VPS13A: variants seen among roughly 807,000 people sequenced by gnomAD.
The protein encoded by VPS13A is intermembrane lipid transfer protein VPS13A.
Under a neutral mutation model 390.9 loss-of-function variants are expected in VPS13A, and 264 were observed. The observed-to-expected ratio is 0.68, with a 90% CI of 0.61 to 0.75. VPS13A has a LOEUF of 0.75. VPS13A is among the 30% of genes least tolerant of loss of function. VPS13A has a pLI of 0.00. For missense variants in VPS13A, 3,409 were observed against 3,733.9 expected (o/e 0.91, Z 2.27); for synonymous variants, 1,231 against 1,227.1 (o/e 1.00, Z -0.07).
At chr9:77,188,129 A>G (rs561728622) in intron 1 of VPS13A, among the ~76,000 whole-genome samples, 7 of 152,204 alleles carry the variant, frequency 4.6e-5, no homozygotes, top group South Asian at 4.2e-4. Context: ...TGCTGTGACC[A>G]TGTGATGTTC....
At chr9:77,277,555 A>G (rs964531259) in intron 26 of VPS13A, among the ~76,000 whole-genome samples, 4 of 152,176 alleles carry the variant, frequency 2.6e-5, no homozygotes. Flanking sequence ...TCACTGCCCT[A>G]AAAATCCTCT....
rs780393987 is a variant in VPS13A, at chr9:77,209,393, A to G, written c.386-30A>G. ...ATTTATAGAGTATATTTTTCATTCA[A>G]TTTTAAAAAAGGAATATTTGCAATT... On this transcript the variant is annotated intron_variant, in intron 5 of 71. Coordinates refer to ENST00000360280, the MANE Select transcript of VPS13A (RefSeq NM_033305.3). The G allele has an allele frequency of 3.1e-5, 46 of 1,487,186 alleles. No homozygotes were observed. The highest frequency in any genetic ancestry group is 6.7e-5 in the Admixed American group (4 of 59,302). 92.1% of individuals were successfully genotyped at this position (1,487,186 alleles called of 1,614,324 possible). A position where few individuals can be genotyped will look rare whatever the true frequency, so the allele number is the denominator to read the frequency against.
chr9:77,207,241 AT>A (rs1564630379), intron 5 of VPS13A, among the ~76,000 whole-genome samples: 12 of 110,884 alleles, frequency 1.1e-4, no homozygotes, highest in Admixed American at 2.9e-4. Context: ...ATATATATAT[AT>A]ATATATATAT....
At chr9:77,241,516 C>T (rs1210587820) in intron 19 of VPS13A, among the ~76,000 whole-genome samples, 3 of 150,468 alleles carry the variant, frequency 2.0e-5, no homozygotes, top group Non-Finnish European at 4.4e-5. Context: ...TCAGATAGTC[C>T]GTTATATGAA....
At position 77,293,416 on chromosome 9, in the gene VPS13A, T is replaced by A. The variant is rs1228921875; in HGVS notation, c.3415T>A (p.Tyr1139Asn). The A allele has an allele frequency of 1.9e-6, 3 of 1,612,890 alleles. No homozygotes were observed. Among genetic ancestry groups the A allele is most frequent in the Non-Finnish European group, 2.5e-6 (3 of 1,179,466 alleles). The change falls in exon 32 of 72, where the codon TAC (tyrosine) becomes AAC (asparagine). Residue 1139 changes from tyrosine (Y) to asparagine (N), a missense_variant. By Grantham distance (143) the Tyr-to-Asn change is moderately radical. Coordinates refer to ENST00000360280, the MANE Select transcript of VPS13A (RefSeq NM_033305.3). ...SYMDATAGSA[Y>N]TDMNVVDIQV... ...CATGGATGCAACTGCTGGTTCTGCATACACAGATATGAATGTGGTTGACAT... is the reference window on the plus strand; with the variant it reads ...CATGGATGCAACTGCTGGTTCTGCAAACACAGATATGAATGTGGTTGACAT...
intron 67 of VPS13A, among the ~76,000 whole-genome samples, chr9:77,377,899 G>A (rs1054836959): frequency 5.3e-5 from 8 of 152,200 alleles, no homozygotes; most frequent in African/African-American, 1.2e-4. Context: ...TTTATGAAAC[G>A]CTTTTTCTGT....
intron 45 of VPS13A, among the ~76,000 whole-genome samples, chr9:77,324,415 C>A (rs574244633): frequency 6.6e-6 from 1 of 152,092 alleles, no homozygotes; most frequent in Non-Finnish European, 1.5e-5. Context: ...AGGTTGTAAA[C>A]GTTCCCTTCT....
Position 77,209,443 on chromosome 9 carries a change from C to T in VPS13A, c.406C>T (p.Gln136Ter), listed in dbSNP as rs376191694. Residue 136 changes from glutamine to a stop codon, truncating the protein, a stop_gained, in exon 6 of 72, where the codon CAG becomes TAG. Coordinates refer to ENST00000360280, the MANE Select transcript of VPS13A (RefSeq NM_033305.3). LOFTEE classifies it high-confidence loss of function. The part of the protein sequence containing the change: ...VDQEQHLPEK[Q>*]DTFAEKLVTQ... ...TGTAGAACAACATCTGCCGGAAAAA[C>T]AGGACACTTTTGCAGAAAAATTAGT... The T allele has an allele frequency of 6.2e-7, 1 of 1,612,250 alleles. No individual in the cohort carries two copies. Among genetic ancestry groups the T allele is most frequent in the Non-Finnish European group, 8.5e-7 (1 of 1,178,936 alleles).
chr9:77,409,354 CAG>C (rs1320023174), intron 71 of VPS13A, among the ~76,000 whole-genome samples: 2 of 152,154 alleles, frequency 1.3e-5, no homozygotes, highest in Admixed American at 1.3e-4. Context: ...GGGGAAAAAA[CAG>C]AGCAGAAAAT....
intron 1 of VPS13A, among the ~76,000 whole-genome samples, chr9:77,184,782 T>G (rs1824231412): frequency 6.6e-6 from 1 of 152,094 alleles, no homozygotes; most frequent in Admixed American, 6.5e-5. Flanking sequence ...ATAAATCCCA[T>G]TTGGTCATGA....
intron 1 of VPS13A, among the ~76,000 whole-genome samples, chr9:77,187,972 T>C (rs1006115024): frequency 1.3e-5 from 2 of 152,176 alleles, no homozygotes; most frequent in African/African-American, 4.8e-5. Flanking sequence ...TATTTAATTG[T>C]AATCCCCATT....
intron 54 of VPS13A, among the ~76,000 whole-genome samples, chr9:77,353,986 T>C (rs1396340504): frequency 2.0e-5 from 3 of 152,096 alleles, no homozygotes; most frequent in Admixed American, 2.0e-4. Context: ...GCTGTAGCTG[T>C]TGGAGGATTA....
intron 3 of VPS13A, among the ~76,000 whole-genome samples, chr9:77,204,122 A>G (rs1825495311): frequency 6.6e-6 from 1 of 152,204 alleles, no homozygotes; most frequent in Non-Finnish European, 1.5e-5. Flanking sequence ...CTACACATGG[A>G]GTTTATAAAA....
chr9:77,205,834 C>A, intron 4 of VPS13A, 144 bp from the exon 5 acceptor site: 1 of 554,610 alleles, frequency 1.8e-6, no homozygotes, highest in Non-Finnish European at 3.2e-6. Context: ...TCATGATTCG[C>A]CCAGCTTGGC....
intron 27 of VPS13A, among the ~76,000 whole-genome samples, chr9:77,281,188 TC>T (rs1040558866): frequency 1.3e-5 from 2 of 152,014 alleles, no homozygotes; most frequent in Non-Finnish European, 1.5e-5. Context: ...GGTACAAAGT[TC>T]CAGATAGACA....
At chr9:77,271,320 C>T (rs879806911) in intron 23 of VPS13A, among the ~76,000 whole-genome samples, 7 of 152,106 alleles carry the variant, frequency 4.6e-5, no homozygotes, top group African/African-American at 1.4e-4. Flanking sequence ...AAGGTGTTGC[C>T]ATGACAAGGA....
intron 23 of VPS13A, among the ~76,000 whole-genome samples, chr9:77,264,191 A>T (rs1353707301): frequency 6.6e-6 from 1 of 152,058 alleles, no homozygotes; most frequent in East Asian, 1.9e-4. Context: ...TGTTTTGGTT[A>T]CCGTAGGCTT....
intron 10 of VPS13A, among the ~76,000 whole-genome samples, chr9:77,218,632 T>G (rs577882669): frequency 9.0e-4 from 136 of 150,646 alleles, no homozygotes; most frequent in African/African-American, 3.2e-3. Flanking sequence ...TCTCATACTT[T>G]GAGAACATTG....
chr9:77,287,180 AATT>A (rs1182392699), intron 31 of VPS13A, among the ~76,000 whole-genome samples: 1 of 148,202 alleles, frequency 6.7e-6, no homozygotes, highest in Non-Finnish European at 1.5e-5. Context: ...AGAAAAAACT[AATT>A]ATATATATTA....
Sources: allele counts gnomAD v4.1 joint callset (sites outside exome capture counted in the v4.1 genomes callset), GRCh38; gene constraint gnomAD v4.1.1; transcripts MANE v1.5; gene names NCBI Gene and HGNC (gene_info 2026-07-23, HGNC 2026-07-21).